ACTN4: variants seen among roughly 807,000 people sequenced by gnomAD.
ACTN4 encodes the protein alpha-actinin-4.
A neutral mutation model predicts 114.2 loss-of-function variants in ACTN4; 18 were observed. The ratio of observed to expected loss-of-function variants is 0.16; its 90% confidence interval spans 0.11 to 0.23. The LOEUF is 0.23. ACTN4 is among the 10% of genes least tolerant of loss of function. The probability of loss-of-function intolerance (pLI) is 1.00; values close to 1 mark genes in which losing one functional copy is unlikely to be tolerated. For missense variants in ACTN4, 722 were observed against 1,262.9 expected (o/e 0.57, Z 6.49); for synonymous variants, 515 against 506.3 (o/e 1.02, Z -0.23).
chr19:38,664,680 A>G (rs1966902679), intron 1 of ACTN4, among the ~76,000 whole-genome samples: 1 of 152,136 alleles, frequency 6.6e-6, no homozygotes, highest in East Asian at 1.9e-4. Context: ...CTGCAGTGCC[A>G]TGAAGGAGAG....
At chr19:38,648,057 T>A in intron 1 of ACTN4, 150 bp downstream of exon 1, 1 of 922,408 alleles carries the variant, frequency 1.1e-6, no homozygotes, top group Non-Finnish European at 1.5e-6. Flanking sequence ...GGAATTGGAG[T>A]CCTGAGGAGG....
intron 1 of ACTN4, among the ~76,000 whole-genome samples, chr19:38,678,585 G>T (rs1029374753): frequency 1.3e-5 from 2 of 152,216 alleles, no homozygotes; most frequent in African/African-American, 4.8e-5. Flanking sequence ...GAGAAAGATA[G>T]AGGATACGCA....
At chr19:38,701,977 G>C (rs905967295) in intron 3 of ACTN4, among the ~76,000 whole-genome samples, 1 of 152,220 alleles carries the variant, frequency 6.6e-6, no homozygotes, top group African/African-American at 2.4e-5. Flanking sequence ...CCCGGCCCAG[G>C]ACCTCTGCGA....
chr19:38,683,744 T>G (rs964122769), intron 1 of ACTN4: 2 of 152,250 alleles, frequency 1.3e-5, no homozygotes, highest in African/African-American at 4.8e-5. Flanking sequence ...CATGCCCATA[T>G]AAGGCAAACT....
intron 1 of ACTN4, among the ~76,000 whole-genome samples, chr19:38,654,100 G>A (rs923198753): frequency 6.6e-6 from 1 of 152,192 alleles, no homozygotes; most frequent in Non-Finnish European, 1.5e-5. Flanking sequence ...TTTTCTTCAA[G>A]AAGGTCTATG....
At position 38,727,173 on chromosome 19, in the gene ACTN4, T is replaced by A; in HGVS notation, c.2337+70T>A. ...CCGTACCAGCCCACACCTTCGTCTCTGCATCTGTTCGTCCATTCCCATCAC... is the reference window on the plus strand; with the variant it reads ...CCGTACCAGCCCACACCTTCGTCTCAGCATCTGTTCGTCCATTCCCATCAC... On this transcript the variant is annotated intron_variant, in intron 18 of 20. Transcript: ENST00000252699. This position sits in a 1 kb window ranked among gnomAD's most constrained non-coding sequence, Gnocchi z 5.4. 2.5e-6 allele frequency: 4 copies of A among 1,608,682 alleles called. No individual in the cohort carries two copies. Among genetic ancestry groups the A allele is most frequent in the Non-Finnish European group, 3.4e-6 (4 of 1,176,918 alleles).
At chr19:38,667,718 A>AC (rs1421925327) in intron 1 of ACTN4, among the ~76,000 whole-genome samples, 7 of 151,814 alleles carry the variant, frequency 4.6e-5, no homozygotes, top group Admixed American at 4.6e-4. Flanking sequence ...AAAAAAAAAA[A>AC]AAACCATTTT....
intron 2 of ACTN4, 30 bp from the exon 3 acceptor site, chr19:38,700,972 C>T: frequency 6.2e-7 from 1 of 1,611,254 alleles, no homozygotes; most frequent in Non-Finnish European, 8.5e-7. Flanking sequence ...CTCTGTCTCG[C>T]CCCCTCTTTT....
chr19:38,651,705 GT>G (rs1228985045), intron 1 of ACTN4, among the ~76,000 whole-genome samples: 1 of 151,680 alleles, frequency 6.6e-6, no homozygotes, highest in Non-Finnish European at 1.5e-5. Context: ...GAAAGTTTTT[GT>G]TTGTTTTTTG....
At chr19:38,679,328 G>A (rs184937392) in intron 1 of ACTN4, among the ~76,000 whole-genome samples, 12 of 152,132 alleles carry the variant, frequency 7.9e-5, no homozygotes, top group Non-Finnish European at 1.8e-4. Context: ...CCTCCAGTGT[G>A]CCCGGCACTG....
At chr19:38,713,237 C>G (rs1415311780) in intron 8 of ACTN4, among the ~76,000 whole-genome samples, 3 of 152,242 alleles carry the variant, frequency 2.0e-5, no homozygotes, top group Non-Finnish European at 2.9e-5. Context: ...TTCACTCACT[C>G]ATTCAGCAAC....
chr19:38,690,014 A>C (rs1245395950), intron 1 of ACTN4, among the ~76,000 whole-genome samples: 1 of 152,236 alleles, frequency 6.6e-6, no homozygotes, highest in Non-Finnish European at 1.5e-5. Context: ...CAGGCAGTAA[A>C]GAGGGCTCAT....
intron 1 of ACTN4, among the ~76,000 whole-genome samples, chr19:38,676,651 C>G (rs1486076561): frequency 2.0e-5 from 3 of 152,230 alleles, no homozygotes; most frequent in Non-Finnish European, 4.4e-5. Context: ...CCTTTCTGCT[C>G]TCTACCACAG....
intron 1 of ACTN4, among the ~76,000 whole-genome samples, chr19:38,667,969 C>T (rs1019831916): frequency 1.3e-5 from 2 of 152,184 alleles, no homozygotes; most frequent in African/African-American, 4.8e-5. Context: ...CCTATTTATA[C>T]GGCGGAAGGC....
chr19:38,731,071 TC>T lies in ACTN4; in HGVS notation c.*1645del. The T allele has an allele frequency of 1.3e-6, 2 of 1,573,612 alleles. No homozygotes were observed. The highest frequency in any genetic ancestry group is 1.7e-6 in the Non-Finnish European group (2 of 1,160,084). On this transcript the variant is annotated 3_prime_UTR_variant, in exon 21 of 21. Coordinates refer to ENST00000252699, the MANE Select transcript of ACTN4 (RefSeq NM_004924.6). ...AGTGCCCACCAGTCCCCGTACCCCT[TC>T]CCCCCATGCCCCACCATGCCGGGGT...
In ACTN4 at chr19:38,709,129, T is replaced by C. The variant is rs1860410932; in HGVS notation, c.652-266T>C. Among the ~76,000 whole-genome samples, 3 of 151,932 alleles carry C rather than the reference T, an allele frequency of 2.0e-5. No individual in the cohort carries two copies. The South Asian group carries it at 6.2e-4, about 32-fold the overall frequency. On this transcript the variant is annotated intron_variant, in intron 6 of 20. Coordinates refer to ENST00000252699, the MANE Select transcript of ACTN4 (RefSeq NM_004924.6). ...CTAGGGTCTGTGGGTGGCTGGAAAT[T>C]GTATGAAAAGAGTACACCTGCATTT... is the stretch of plus-strand genomic sequence containing the variant.
In ACTN4 at chr19:38,730,999, C is replaced by T. The variant is rs933385818; in HGVS notation, c.*1567C>T. 1.9e-6 allele frequency: 3 copies of T among 1,551,994 alleles called. No homozygotes were observed. Among genetic ancestry groups the T allele is most frequent in the Non-Finnish European group, 1.7e-6 (2 of 1,147,814 alleles). On this transcript the variant is annotated 3_prime_UTR_variant, in exon 21 of 21. Transcript: ENST00000252699. The stretch of plus-strand genomic sequence containing the variant: ...GGTCAGGCAGATGACCCCCTCACCC[C>T]CATCCAGGTGCTGGCTGCAGTGGCC...
intron 5 of ACTN4, among the ~76,000 whole-genome samples, chr19:38,706,604 G>A (rs1003830093): frequency 6.6e-6 from 1 of 152,000 alleles, no homozygotes; most frequent in Non-Finnish European, 1.5e-5. Flanking sequence ...TTTTTAGTAG[G>A]AACAGGGTCT....
At chr19:38,689,019 A>G (rs1039064337) in intron 1 of ACTN4, among the ~76,000 whole-genome samples, 1 of 152,198 alleles carries the variant, frequency 6.6e-6, no homozygotes, top group African/African-American at 2.4e-5. Flanking sequence ...CACCACGCCC[A>G]GCCAAGTTCC....
Sources: allele counts gnomAD v4.1 joint callset (sites outside exome capture counted in the v4.1 genomes callset), GRCh38; gene constraint gnomAD v4.1.1; non-coding constraint Gnocchi (gnomAD v3.1); transcripts MANE v1.5; gene names NCBI Gene and HGNC (gene_info 2026-07-23, HGNC 2026-07-21).